RIT2: variants seen among roughly 807,000 people sequenced by gnomAD.
The protein encoded by RIT2 is Ras like without CAAX 2, also known as GTP-binding protein Rit2.
RIT2 carries 24 observed loss-of-function variants against 23.7 expected under a neutral mutation model. That is an observed-to-expected ratio of 1.01 (90% CI 0.73 to 1.43). The LOEUF is 1.43. RIT2 is among the 40% of genes most tolerant of loss of function. The probability of loss-of-function intolerance (pLI) is 0.00; values close to 1 mark genes in which losing one functional copy is unlikely to be tolerated. For synonymous variants in RIT2, 107 were observed against 91.1 expected, an observed-to-expected ratio of 1.17 and a Z score of -0.99; for missense variants, 236 against 266.9, an observed-to-expected ratio of 0.88 and a Z score of 0.81.
At chr18:43,006,963 AG>A (rs1214646037) in intron 2 of RIT2, among the ~76,000 whole-genome samples, 2 of 151,570 alleles carry the variant, frequency 1.3e-5, no homozygotes, top group Non-Finnish European at 3.0e-5. Context: ...AATAAATAAT[AG>A]GAAAAAAAGG....
intron 1 of RIT2, among the ~76,000 whole-genome samples, chr18:43,087,581 C>T (rs564458208): frequency 4.1e-4 from 62 of 152,282 alleles, no homozygotes; most frequent in African/African-American, 1.4e-3. Flanking sequence ...CCTACAGTAT[C>T]TGTATTCAAC....
chr18:42,950,564 G>C (rs1289882517), intron 3 of RIT2, among the ~76,000 whole-genome samples: 1 of 151,994 alleles, frequency 6.6e-6, no homozygotes, highest in Non-Finnish European at 1.5e-5. Context: ...AAACTAAAGA[G>C]CTTCTGCACC....
At chr18:42,884,954 A>G (rs1365480699) in intron 4 of RIT2, among the ~76,000 whole-genome samples, 2 of 152,182 alleles carry the variant, frequency 1.3e-5, no homozygotes, top group East Asian at 3.9e-4. Flanking sequence ...CACTTGCAAA[A>G]AGTTTCTACT....
At chr18:42,833,810 T>C (rs757110781) in intron 4 of RIT2, among the ~76,000 whole-genome samples, 2 of 151,818 alleles carry the variant, frequency 1.3e-5, no homozygotes, top group African/African-American at 4.8e-5. Context: ...TTGGTATGTA[T>C]GGATAGGAAG....
intron 1 of RIT2, among the ~76,000 whole-genome samples, chr18:43,067,821 C>G (rs1471423579): frequency 6.6e-6 from 1 of 152,116 alleles, no homozygotes; most frequent in Non-Finnish European, 1.5e-5. Context: ...CCTTGTTACT[C>G]TCATGACCGG....
intron 2 of RIT2, among the ~76,000 whole-genome samples, chr18:43,009,565 C>T (rs555778153): frequency 6.6e-6 from 1 of 151,766 alleles, no homozygotes; most frequent in African/African-American, 2.4e-5. Flanking sequence ...GGAATATTTT[C>T]ACAACCCGTC....
intron 4 of RIT2, among the ~76,000 whole-genome samples, chr18:42,794,443 CTAAT>C (rs1195517121): frequency 1.3e-5 from 2 of 152,172 alleles, no homozygotes; most frequent in East Asian, 3.8e-4. Context: ...CTAGGTTTGA[CTAAT>C]TAGTGAATCA....
At chr18:42,858,436 A>G (rs1907243179) in intron 4 of RIT2, among the ~76,000 whole-genome samples, 1 of 152,154 alleles carries the variant, frequency 6.6e-6, no homozygotes, top group South Asian at 2.1e-4. Context: ...ACTAGGCACA[A>G]GAACGGGAGA....
At chr18:43,039,299 C>T (rs1173397793) in intron 1 of RIT2, among the ~76,000 whole-genome samples, 2 of 151,828 alleles carry the variant, frequency 1.3e-5, no homozygotes, top group Non-Finnish European at 2.9e-5. Context: ...CCTGCACAAC[C>T]ACAGCCTTGT....
At chr18:42,927,369 GGTGTGTGTGT>G (rs60819423) in intron 3 of RIT2, among the ~76,000 whole-genome samples, 139 of 147,734 alleles carry the variant, frequency 9.4e-4, no homozygotes, top group Middle Eastern at 6.9e-3. Context: ...ATGTGGATGT[GGTGTGTGTGT>G]GTGTGTGTGT....
In RIT2 at chr18:42,971,025, A is replaced by G. The variant is rs140938463; in HGVS notation, c.234+3049T>C. 5.2e-3 allele frequency among the ~76,000 whole-genome samples: 789 copies of G among 152,146 alleles called. 10 individuals are homozygous for G. Among genetic ancestry groups the G allele is most frequent in the African/African-American group, 0.017 (693 of 41,544 alleles). ...CTTGGCCTCCAGTATTGCCACCAAGAAAACACCCACTTTACTTCTTTGTAT... is the reference window on the plus strand; with the variant it reads ...CTTGGCCTCCAGTATTGCCACCAAGGAAACACCCACTTTACTTCTTTGTAT... On this transcript the variant is annotated intron_variant, in intron 3 of 4. Coordinates refer to ENST00000326695, the MANE Select transcript of RIT2 (RefSeq NM_002930.4).
chr18:43,048,447 A>G (rs1019264034), intron 1 of RIT2, among the ~76,000 whole-genome samples: 4 of 152,244 alleles, frequency 2.6e-5, no homozygotes, highest in Admixed American at 6.5e-5. Context: ...AGCTTAAGAC[A>G]TTTCCTGGAT....
At chr18:43,003,303 A>G (rs905333665) in intron 2 of RIT2, among the ~76,000 whole-genome samples, 2 of 152,026 alleles carry the variant, frequency 1.3e-5, no homozygotes, top group African/African-American at 4.8e-5. Flanking sequence ...AGAGAACAGA[A>G]AAGTAGAATT....
chr18:42,973,384 T>C (rs900447669), intron 3 of RIT2, among the ~76,000 whole-genome samples: 1 of 151,872 alleles, frequency 6.6e-6, no homozygotes, highest in Admixed American at 6.6e-5. Context: ...ATATGGTTTA[T>C]GTCTAGCACT....
intron 1 of RIT2, among the ~76,000 whole-genome samples, chr18:43,039,567 C>T (rs941704249): frequency 1.3e-5 from 2 of 151,998 alleles, no homozygotes. Flanking sequence ...AGGCTGGTCT[C>T]GAACTCCTGA....
chr18:42,836,139 C>T (rs778280748), intron 4 of RIT2, among the ~76,000 whole-genome samples: 6 of 152,122 alleles, frequency 3.9e-5, no homozygotes, highest in African/African-American at 1.2e-4. Flanking sequence ...AAATGTGACA[C>T]AAACTTTAAT....
At chr18:42,937,801 CA>C (rs1909499181) in intron 3 of RIT2, among the ~76,000 whole-genome samples, 1 of 152,094 alleles carries the variant, frequency 6.6e-6, no homozygotes, top group Non-Finnish European at 1.5e-5. Context: ...AAAACTAACC[CA>C]ATCTTATCAA....
At chr18:42,806,478 G>A (rs1473242018) in intron 4 of RIT2, among the ~76,000 whole-genome samples, 1 of 151,962 alleles carries the variant, frequency 6.6e-6, no homozygotes, top group Non-Finnish European at 1.5e-5. Flanking sequence ...TCAAAAAAAA[G>A]AGAAGAAAAA....
chr18:43,111,712 G>A (rs920777095), intron 1 of RIT2, among the ~76,000 whole-genome samples: 6 of 152,128 alleles, frequency 3.9e-5, no homozygotes, highest in Admixed American at 1.3e-4. Flanking sequence ...CTAAATGTCT[G>A]CTACTTTGTA....
Sources: allele counts gnomAD v4.1 joint callset (sites outside exome capture counted in the v4.1 genomes callset), GRCh38; gene constraint gnomAD v4.1.1; transcripts MANE v1.5; gene names NCBI Gene and HGNC (gene_info 2026-07-23, HGNC 2026-07-21).